Variants in SOCS2 observed in about 807,000 individuals in gnomAD.
SOCS2 encodes the protein suppressor of cytokine signaling 2, also known as CIS-2.
Under a neutral mutation model 18.6 loss-of-function variants are expected in SOCS2, and 10 were observed. The observed-to-expected ratio is 0.54, with a 90% confidence interval of 0.33 to 0.91. The LOEUF (loss-of-function observed/expected upper bound fraction) is 0.91, where lower values mean the gene tolerates loss of function less well. SOCS2 is among the 40% of genes least tolerant of loss of function. SOCS2 has a pLI of 0.02. For synonymous variants in SOCS2, 104 were observed against 104.0 expected (o/e 1.00, Z 0.00); for missense variants, 231 against 247.2 (o/e 0.93, Z 0.44).
At chr12:93,578,682 G>GCACACACACACA (rs10594657), downstream of SOCS2, among the ~76,000 whole-genome samples, 52 of 146,656 alleles carry the variant, frequency 3.5e-4, 1 homozygote, top group Middle Eastern at 3.4e-3. Context: ...TTGCATGCTC[G>GCACACACACACA]CACACACACA....
downstream of SOCS2, among the ~76,000 whole-genome samples, chr12:93,580,904 T>G (rs1954531297): frequency 6.6e-6 from 1 of 152,242 alleles, no homozygotes; most frequent in Admixed American, 6.5e-5. Context: ...TGGGGAATAG[T>G]AGAAGCCCAT....
At chr12:93,624,133 T>C in the SOCS2 span, among the ~76,000 whole-genome samples, 1 of 152,178 alleles carries the variant, frequency 6.6e-6, no homozygotes, top group Non-Finnish European at 1.5e-5. Flanking sequence ...GAAACTAGTG[T>C]TTGTCCCTTG....
chr12:93,609,316 C>T, the SOCS2 span, among the ~76,000 whole-genome samples: 5 of 151,868 alleles, frequency 3.3e-5, no homozygotes, highest in African/African-American at 7.3e-5. Flanking sequence ...TGCTTGAACC[C>T]GGGAGACAGA....
the SOCS2 span, among the ~76,000 whole-genome samples, chr12:93,614,675 G>A: frequency 1.4e-5 from 2 of 144,862 alleles, no homozygotes; most frequent in Non-Finnish European, 3.0e-5. Flanking sequence ...GAGTGCAGTG[G>A]TGTGATCTCA....
At chr12:93,581,547 A>G (rs1472755954), downstream of SOCS2, among the ~76,000 whole-genome samples, 1 of 151,948 alleles carries the variant, frequency 6.6e-6, no homozygotes, top group Admixed American at 6.6e-5. Context: ...TCAATTTCTT[A>G]GTAGGAAGGT....
chr12:93,614,718 C>T, the SOCS2 span, among the ~76,000 whole-genome samples: 2 of 149,830 alleles, frequency 1.3e-5, no homozygotes, highest in South Asian at 2.1e-4. Flanking sequence ...TGGGTTCAAG[C>T]GATTCTCCTG....
At chr12:93,596,796 C>G in the SOCS2 span, among the ~76,000 whole-genome samples, 2 of 152,256 alleles carry the variant, frequency 1.3e-5, no homozygotes, top group South Asian at 4.1e-4. Context: ...CCACTGCACT[C>G]TAGACTGGGA....
downstream of SOCS2, among the ~76,000 whole-genome samples, chr12:93,588,245 T>C (rs1221114146): frequency 1.3e-5 from 2 of 152,246 alleles, no homozygotes; most frequent in Non-Finnish European, 2.9e-5. Flanking sequence ...ACAGTTGTTG[T>C]AGGTATTTCA....
upstream of SOCS2, chr12:93,571,808 T>C: frequency 2.4e-6 from 1 of 409,666 alleles, no homozygotes; most frequent in African/African-American, 2.1e-5. Context: ...GCCCCTCCTC[T>C]CCCGGGCCCC....
chr12:93,618,397 C>T, the SOCS2 span, among the ~76,000 whole-genome samples: 1 of 152,154 alleles, frequency 6.6e-6, no homozygotes, highest in Non-Finnish European at 1.5e-5. Flanking sequence ...TCCCCCAGGC[C>T]TCCCACCCAA....
At chr12:93,608,000 C>CTTTT in the SOCS2 span, among the ~76,000 whole-genome samples, 101 of 124,452 alleles carry the variant, frequency 8.1e-4, no homozygotes, top group African/African-American at 3.0e-3. Flanking sequence ...GACTGTAAAT[C>CTTTT]TTTTTTTTTT....
At chr12:93,578,379 C>T (rs530592341), downstream of SOCS2, among the ~76,000 whole-genome samples, 2 of 152,194 alleles carry the variant, frequency 1.3e-5, no homozygotes, top group Admixed American at 1.3e-4. Context: ...GATGGAATGT[C>T]CTGAGACCAG....
In SOCS2 at chr12:93,576,026, A is replaced by G. The variant is rs1183015488; in HGVS notation, c.*847A>G. The G allele has an allele frequency of 6.6e-6, 1 of 152,652 alleles. No individual in the cohort carries two copies. The highest frequency in any genetic ancestry group is 1.5e-5 in the Non-Finnish European group (1 of 68,038). The allele number at this position is 152,652 out of a possible 1,614,324, so 9.5% of individuals were successfully genotyped here. On this transcript the variant is annotated 3_prime_UTR_variant, in exon 2 of 2. Coordinates refer to ENST00000551556, the MANE Select transcript of SOCS2 (RefSeq NM_001270471.2). Reference sequence around the variant, plus strand: ...TTGGAAATGGCTTTAGAAATATCCAAGTTGTCCTTGAATTGTCTAACCATG... The same window carrying G: ...TTGGAAATGGCTTTAGAAATATCCAGGTTGTCCTTGAATTGTCTAACCATG...
the SOCS2 span, among the ~76,000 whole-genome samples, chr12:93,589,843 G>A: frequency 7.0e-6 from 1 of 141,966 alleles, no homozygotes; most frequent in Non-Finnish European, 1.6e-5. Flanking sequence ...AGAACTTTGT[G>A]GCAAAACTTT....
chr12:93,592,154 C>T, the SOCS2 span, among the ~76,000 whole-genome samples: 5 of 152,116 alleles, frequency 3.3e-5, no homozygotes, highest in Non-Finnish European at 7.4e-5. Flanking sequence ...TTTTTTAATG[C>T]AGTCGAAGCC....
Position 93,572,976 on chromosome 12 carries a change from G to C in SOCS2, c.79G>C (p.Glu27Gln). Residue 27 changes from glutamate (E) to glutamine (Q), a missense_variant, in exon 1 of 2, where the codon GAG becomes CAG. Physicochemically the swap from Glu to Gln is conservative, Grantham distance 29. This residue lies in a region of SOCS2 where 106 missense variants were observed against 103.8 expected (regional missense o/e 1.02). Coordinates refer to ENST00000551556, the MANE Select transcript of SOCS2 (RefSeq NM_001270471.2). This position sits in a 1 kb window ranked among gnomAD's most constrained non-coding sequence, Gnocchi z 5.0. ...RSQWGTAGSA[E>Q]EPSPQAARLA... is the part of the protein sequence containing the mutation. ...CCAGTGGGGGACCGCGGGGTCGGCG[G>C]AGGAGCCATCCCCGCAGGCGGCGCG... is the stretch of plus-strand genomic sequence containing the variant. 6.4e-7 allele frequency: 1 copy of C among 1,569,266 alleles called. No homozygotes were observed. Among genetic ancestry groups the C allele is most frequent in the Non-Finnish European group, 8.6e-7 (1 of 1,157,958 alleles).
chr12:93,586,798 A>G (rs1445933607), downstream of SOCS2, among the ~76,000 whole-genome samples: 2 of 151,878 alleles, frequency 1.3e-5, no homozygotes, highest in African/African-American at 2.4e-5. Flanking sequence ...TCATTCATTC[A>G]CTCACTCATT....
the SOCS2 span, among the ~76,000 whole-genome samples, chr12:93,607,330 C>T: frequency 1.1e-4 from 17 of 152,170 alleles, no homozygotes; most frequent in Non-Finnish European, 2.1e-4. Context: ...TTCCATGAAA[C>T]ACAATTTGAT....
At chr12:93,599,992 C>T in the SOCS2 span, among the ~76,000 whole-genome samples, 1 of 152,144 alleles carries the variant, frequency 6.6e-6, no homozygotes, top group East Asian at 1.9e-4. Flanking sequence ...TTTAGCTTGT[C>T]TTTTCACTGT....
Sources: allele counts gnomAD v4.1 joint callset (sites outside exome capture counted in the v4.1 genomes callset), GRCh38; gene constraint gnomAD v4.1.1; regional missense constraint gnomAD v4.1.1; non-coding constraint Gnocchi (gnomAD v3.1); transcripts MANE v1.5; gene names NCBI Gene and HGNC (gene_info 2026-07-23, HGNC 2026-07-21).